The following PES1 variants were observed in gnomAD, a reference collection of about 807,000 sequenced individuals.
PES1 encodes the protein pescadillo homolog.
PES1 carries 31 observed loss-of-function variants against 77.1 expected under a neutral mutation model. The ratio of observed to expected loss-of-function variants is 0.40; its 90% CI spans 0.30 to 0.54. The LOEUF (loss-of-function observed/expected upper bound fraction) is 0.54, where lower values mean the gene tolerates loss of function less well. Among genes scored for constraint, PES1 ranks in the 20% least tolerant of loss-of-function variants. The probability of loss-of-function intolerance (pLI) is 0.45; values close to 1 mark genes in which losing one functional copy is unlikely to be tolerated. For synonymous variants in PES1, 282 were observed against 303.0 expected, an observed-to-expected ratio of 0.93 and a Z score of 0.72; for missense variants, 658 against 771.7, an observed-to-expected ratio of 0.85 and a Z score of 1.75.
chr22:30,605,177 G>GT (rs1235924601), intron 2 of PES1, among the ~76,000 whole-genome samples: 2 of 151,958 alleles, frequency 1.3e-5, no homozygotes, highest in Non-Finnish European at 2.9e-5. Context: ...GGTTTTGTTT[G>GT]TTTTTTAGAA....
chr22:30,580,929 A>G (rs1242722304), intron 9 of PES1, 83 bp downstream of exon 9: 69 of 1,265,936 alleles, frequency 5.5e-5, no homozygotes, highest in Non-Finnish European at 7.4e-5. Flanking sequence ...ACACCTAATT[A>G]TAGGATGCAA....
intron 6 of PES1, among the ~76,000 whole-genome samples, chr22:30,582,037 G>A (rs1314431605): frequency 1.3e-5 from 2 of 152,154 alleles, no homozygotes; most frequent in African/African-American, 4.8e-5. Flanking sequence ...ACCACTTTCC[G>A]ACCTGGCCAG....
At chr22:30,595,935 G>A (rs1199000428), upstream of PES1, among the ~76,000 whole-genome samples, 3 of 152,124 alleles carry the variant, frequency 2.0e-5, no homozygotes, top group African/African-American at 4.8e-5. Context: ...TAGTACTAAC[G>A]GGACAGTCTC....
At chr22:30,590,679 G>A (rs2087162830) in intron 1 of PES1, among the ~76,000 whole-genome samples, 1 of 152,136 alleles carries the variant, frequency 6.6e-6, no homozygotes, top group African/African-American at 2.4e-5. Flanking sequence ...GCTGGGGGGA[G>A]GAGAGTTCAG....
At chr22:30,577,219 G>A in intron 14 of PES1, 90 bp from the exon 15 acceptor site, 1 of 1,102,262 alleles carries the variant, frequency 9.1e-7, no homozygotes, top group Admixed American at 1.9e-5. Context: ...CTTAAAAGCA[G>A]AGCTTCAAGA....
At position 30,580,452 on chromosome 22, in the gene PES1, A is replaced by G. The variant is rs139006507; in HGVS notation, c.1043+119T>C. On this transcript the variant is annotated intron_variant, in intron 10 of 14. Coordinates refer to ENST00000354694, the MANE Select transcript of PES1 (RefSeq NM_014303.4). ...GTGCGGTGCCGAGCACTTTCCACAC[A>G]CTGTTTCATAAGAAGTGGAAACTGA... is the stretch of plus-strand genomic sequence containing the variant. The G allele has an allele frequency of 1.5e-3, 2,099 of 1,371,300 alleles. 7 individuals carry two copies. The highest frequency in any genetic ancestry group is 0.015 in the East Asian group (652 of 43,476). The allele number at this position is 1,371,300 out of a possible 1,614,324, so 84.9% of individuals were successfully genotyped here.
At chr22:30,580,021 A>G (rs1397743450) in intron 11 of PES1, 32 bp downstream of exon 11, 1 of 1,612,376 alleles carries the variant, frequency 6.2e-7, no homozygotes, top group East Asian at 2.2e-5. Context: ...CAGGATACCC[A>G]GAAATCCGGA....
chr22:30,600,981 C>T (rs1300439616), intron 2 of PES1, among the ~76,000 whole-genome samples: 1 of 152,198 alleles, frequency 6.6e-6, no homozygotes, highest in Non-Finnish European at 1.5e-5. Flanking sequence ...TGTGGATTAC[C>T]TTTGTGGATC....
chr22:30,585,178 G>C (rs1273027773), intron 4 of PES1: 5 of 448,310 alleles, frequency 1.1e-5, no homozygotes, highest in Non-Finnish European at 2.4e-5. Context: ...CTTATGACTG[G>C]GCCTGGCCAC....
intron 2 of PES1, among the ~76,000 whole-genome samples, chr22:30,597,307 T>A (rs929448970): frequency 6.6e-6 from 1 of 151,808 alleles, no homozygotes; most frequent in Non-Finnish European, 1.5e-5. Flanking sequence ...TGAGCTCCAG[T>A]AGGTGAAGCC....
At chr22:30,600,954 A>C (rs2087345945) in intron 2 of PES1, among the ~76,000 whole-genome samples, 1 of 152,180 alleles carries the variant, frequency 6.6e-6, no homozygotes, top group African/African-American at 2.4e-5. Flanking sequence ...TCTTAAGGTA[A>C]TCTCAGGGTT....
chr22:30,588,253 C>T, intron 2 of PES1, 79 bp from the exon 3 acceptor site: 1 of 1,564,248 alleles, frequency 6.4e-7, no homozygotes, highest in South Asian at 1.1e-5. Flanking sequence ...GCCTGGAAAA[C>T]AACAGTAAAT....
intron 2 of PES1, among the ~76,000 whole-genome samples, chr22:30,605,207 C>A (rs1461546328): frequency 6.6e-6 from 1 of 152,144 alleles, no homozygotes; most frequent in Non-Finnish European, 1.5e-5. Flanking sequence ...CACCATCTTG[C>A]CTAGACTGGT....
In PES1 at chr22:30,597,893, T is replaced by G. The variant is rs192861567; in HGVS notation, c.-660-5495A>C. On this transcript the variant is annotated intron_variant, in intron 2 of 16. Coordinates refer to the PES1 transcript ENST00000402281. ...GCAGTTGAAGTTTTGTTTTTTTTTTTTTTGTTTTGAGTCGGAGTCTCACTC... is the reference window on the plus strand; with the variant it reads ...GCAGTTGAAGTTTTGTTTTTTTTTTGTTTGTTTTGAGTCGGAGTCTCACTC... Among the ~76,000 whole-genome samples, 5 of 145,542 alleles carry G rather than the reference T, an allele frequency of 3.4e-5. No individual in the cohort carries two copies. In the East Asian group the frequency reaches 5.9e-4, roughly 17 times the overall value.
At chr22:30,601,337 T>TG (rs1251033378) in intron 2 of PES1, among the ~76,000 whole-genome samples, 1 of 152,094 alleles carries the variant, frequency 6.6e-6, no homozygotes. Flanking sequence ...TTTTTTAAGA[T>TG]GGAGTCTCAG....
chr22:30,579,618 C>T, intron 12 of PES1, 133 bp downstream of exon 12: 2 of 837,786 alleles, frequency 2.4e-6, no homozygotes, highest in Non-Finnish European at 3.8e-6. Flanking sequence ...TCTCCTAAGC[C>T]TTATTCTACA....
chr22:30,593,472 C>T (rs1032362004), upstream of PES1, among the ~76,000 whole-genome samples: 10 of 151,284 alleles, frequency 6.6e-5, no homozygotes, highest in African/African-American at 1.2e-4. Context: ...CAAGCCTAGA[C>T]GACAGAGCGA....
chr22:30,602,956 G>T lies in PES1; in HGVS notation c.-661+2505C>A, dbSNP rs554471727. The stretch of plus-strand genomic sequence containing the variant: ...GAAGGAGTCTCGCTCTGTTGTCCAG[G>T]CTGGAGTGCAGTGGCGTAATCTTGG... On this transcript the variant is annotated intron_variant, in intron 2 of 16. Coordinates refer to the PES1 transcript ENST00000402281. Among the ~76,000 whole-genome samples the T allele has an allele frequency of 9.9e-5, 15 of 152,106 alleles. No homozygotes were observed. In the South Asian group the frequency reaches 3.1e-3, roughly 32 times the overall value.
At position 30,576,709 on chromosome 22, in the gene PES1, C is replaced by T. The variant is rs2086903880; in HGVS notation, c.*337G>A. 16 of 365,470 alleles carry T rather than the reference C, an allele frequency of 4.4e-5. No individual in the cohort carries two copies. The South Asian group carries it at 6.3e-4, about 14-fold the overall frequency. The allele number at this position is 365,470 out of a possible 1,614,324, so 22.6% of individuals were successfully genotyped here. A position where few individuals can be genotyped will look rare whatever the true frequency, so the allele number is the denominator to read the frequency against. On this transcript the variant is annotated 3_prime_UTR_variant, in exon 15 of 15. Coordinates refer to ENST00000354694, the MANE Select transcript of PES1 (RefSeq NM_014303.4). ...TCACAGCACCCTGAGAATCACGGGT[C>T]CAACTGTGTGGGAGGGGGCTGTGGA...
Sources: allele counts gnomAD v4.1 joint callset (sites outside exome capture counted in the v4.1 genomes callset), GRCh38; gene constraint gnomAD v4.1.1; transcripts MANE v1.5; gene names NCBI Gene and HGNC (gene_info 2026-07-23, HGNC 2026-07-21).